The following SLC17A9 variants were observed in gnomAD, a reference collection of about 807,000 sequenced individuals.
SLC17A9 encodes the protein solute carrier family 17 member 9.
SLC17A9 carries 49 observed loss-of-function variants against 55.0 expected under a neutral mutation model. The observed-to-expected ratio is 0.89, with a 90% CI of 0.71 to 1.13. The LOEUF is 1.13. SLC17A9 is among the 50% of genes most tolerant of loss of function. The pLI, the probability that SLC17A9 is intolerant of heterozygous loss-of-function variation, is 0.00. For missense variants in SLC17A9, 526 were observed against 569.3 expected (o/e 0.92, Z 0.77); for synonymous variants, 256 against 247.4 (o/e 1.03, Z -0.32).
At chr20:62,964,109 C>A in intron 7 of SLC17A9, 119 bp from the exon 8 acceptor site, 1 of 1,002,834 alleles carries the variant, frequency 1.0e-6, no homozygotes, top group South Asian at 1.4e-5. Flanking sequence ...AGGGCTGGCC[C>A]TGCCGGAGAG....
At chr20:62,957,726 GC>G in intron 3 of SLC17A9, 146 bp downstream of exon 3, 1 of 633,220 alleles carries the variant, frequency 1.6e-6, no homozygotes, top group Admixed American at 3.9e-5. Flanking sequence ...GTGCATGCGT[GC>G]ACCTGTGTGT....
rs2065564421 is a variant in SLC17A9 at position 62,958,799 on chromosome 20, T to C, written c.397+1219T>C. ...AAGGTGCTGCCTGGGACTGTCTCCA[T>C]AACAGAGGAAGGGGGTCTGCCCAGG... On this transcript the variant is annotated intron_variant, in intron 3 of 12. Transcript: ENST00000370351. The surrounding 1 kb of genome is among the most constrained non-coding windows in gnomAD (Gnocchi z 4.1). Among the ~76,000 whole-genome samples, 2 of 152,026 alleles carry C rather than the reference T, an allele frequency of 1.3e-5. No individual in the cohort carries two copies. Among genetic ancestry groups the C allele is most frequent in the Admixed American group, 1.3e-4 (2 of 15,272 alleles).
intron 9 of SLC17A9, 31 bp from the exon 10 acceptor site, chr20:62,965,579 G>A: frequency 6.3e-7 from 1 of 1,595,954 alleles, no homozygotes; most frequent in South Asian, 1.1e-5. Flanking sequence ...CGGGCTGGGT[G>A]CCTCTCCGTC....
At chr20:62,965,516 T>C (rs773003529) in intron 9 of SLC17A9, 94 bp from the exon 10 acceptor site, 10 of 1,182,912 alleles carry the variant, frequency 8.5e-6, no homozygotes, top group African/African-American at 1.5e-5. Flanking sequence ...CGTTGTGCGG[T>C]GCGCCCAGGG....
Position 62,963,379 on chromosome 20 carries a change from G to C in SLC17A9, c.725+10G>C, listed in dbSNP as rs143995305. 44 of 1,612,730 alleles carry C rather than the reference G, an allele frequency of 2.7e-5. No homozygotes were observed. In the African/African-American group the frequency reaches 4.4e-4, roughly 16 times the overall value. On this transcript the variant is annotated intron_variant, in intron 6 of 12. Transcript: ENST00000370351. ...GGAAGCCTGCTGTCTGGTGAGCTGG[G>C]ACCTGTGCCACCCCTTGGAGCAGCG...
intron 1 of SLC17A9, among the ~76,000 whole-genome samples, chr20:62,953,745 G>T (rs2065511677): frequency 6.6e-6 from 1 of 152,244 alleles, no homozygotes; most frequent in Non-Finnish European, 1.5e-5. Flanking sequence ...TGAGGGCTGA[G>T]GACCCTAGAA....
chr20:62,954,579 C>T (rs1413857013), intron 1 of SLC17A9, among the ~76,000 whole-genome samples: 3 of 152,318 alleles, frequency 2.0e-5, no homozygotes, highest in Middle Eastern at 3.4e-3. Flanking sequence ...CCCCGTCCCC[C>T]GCGCCCCCAG....
intron 1 of SLC17A9, among the ~76,000 whole-genome samples, chr20:62,953,578 G>C (rs976558531): frequency 1.3e-5 from 2 of 152,260 alleles, no homozygotes; most frequent in Non-Finnish European, 2.9e-5. Context: ...CCTTGGCTCT[G>C]GGTCTTGGGC....
Position 62,960,148 on chromosome 20 carries a change from C to T in SLC17A9, c.398-356C>T, listed in dbSNP as rs73918888. Among the ~76,000 whole-genome samples, 544 of 152,336 alleles carry T rather than the reference C, an allele frequency of 3.6e-3. 3 individuals are homozygous for T. Among genetic ancestry groups the T allele is most frequent in the African/African-American group, 0.012 (516 of 41,584 alleles). ...CTGCCAAGAAGTGTGCCGGTGAACA[C>T]GTGCGTGTGCAGGCGCATGTGTGTG... On this transcript the variant is annotated intron_variant, in intron 3 of 12. Transcript: ENST00000370351.
intron 8 of SLC17A9, among the ~76,000 whole-genome samples, 156 bp downstream of exon 8, chr20:62,964,471 G>T (rs1233690727): frequency 6.6e-6 from 1 of 152,190 alleles, no homozygotes; most frequent in Non-Finnish European, 1.5e-5. Flanking sequence ...TCCTTAAAGG[G>T]TGGGGTTAGA....
intron 7 of SLC17A9, 126 bp from the exon 8 acceptor site, chr20:62,964,102 G>T: frequency 2.2e-6 from 2 of 920,094 alleles, no homozygotes; most frequent in Non-Finnish European, 3.5e-6. Context: ...CAGGAGCAGG[G>T]CTGGCCCTGC....
In SLC17A9 at chr20:62,957,427, T is replaced by G. The variant is rs775193270; in HGVS notation, c.258-14T>G. ...GCACAGCCACATCCTCACCTCCCTC[T>G]GTCTTCCCTCCAGGATTGGGGGTGA... On this transcript the variant is annotated splice_polypyrimidine_tract_variant and intron_variant, in intron 2 of 12. Transcript: ENST00000370351. The G allele has an allele frequency of 1.9e-6, 3 of 1,564,770 alleles. No homozygotes were observed. Among genetic ancestry groups the G allele is most frequent in the Non-Finnish European group, 2.6e-6 (3 of 1,157,492 alleles).
rs112060558 is a variant in SLC17A9 at position 62,960,735 on chromosome 20, G to T, written c.497+132G>T. The stretch of plus-strand genomic sequence containing the variant: ...CCATGGTGAGGTGGGTCCCGCAGGC[G>T]CCTTTTGGGCTCTGTAGCCCGAGGC... On this transcript the variant is annotated intron_variant, in intron 4 of 12. Coordinates refer to ENST00000370351, the MANE Select transcript of SLC17A9 (RefSeq NM_022082.4). 6 of 799,378 alleles carry T rather than the reference G, an allele frequency of 7.5e-6. No individual in the cohort carries two copies. In the African/African-American group the frequency reaches 8.6e-5, roughly 11 times the overall value. 49.5% of individuals were successfully genotyped at this position (799,378 alleles called of 1,614,324 possible). A position where few individuals can be genotyped will look rare whatever the true frequency, so the allele number is the denominator to read the frequency against.
At chr20:62,955,789 C>T (rs2065532046) in intron 1 of SLC17A9, among the ~76,000 whole-genome samples, 1 of 152,208 alleles carries the variant, frequency 6.6e-6, no homozygotes, top group Admixed American at 6.5e-5. Flanking sequence ...CAGGACAGGG[C>T]GTGGAGGCCA....
chr20:62,961,837 T>C (rs1037087255), intron 4 of SLC17A9, among the ~76,000 whole-genome samples: 1 of 152,188 alleles, frequency 6.6e-6, no homozygotes, highest in African/African-American at 2.4e-5. Context: ...GGGTCAAGTG[T>C]GGGCTGGGCT....
chr20:62,964,403 C>A, intron 8 of SLC17A9, 88 bp downstream of exon 8: 1 of 1,298,278 alleles, frequency 7.7e-7, no homozygotes, highest in Non-Finnish European at 1.1e-6. Flanking sequence ...CCTGGGGCTG[C>A]AGCTTCAGCA....
At chr20:62,960,450 C>T (rs938433805) in intron 3 of SLC17A9, 54 bp from the exon 4 acceptor site, 1 of 1,532,192 alleles carries the variant, frequency 6.5e-7, no homozygotes, top group Non-Finnish European at 8.9e-7. Flanking sequence ...GCAGATAGGC[C>T]GGGAGGAGCC....
rs1040002828 is a variant in SLC17A9 at position 62,957,571 on chromosome 20, T to C, written c.388T>C (p.Leu130=). The C allele has an allele frequency of 7.0e-6, 11 of 1,562,076 alleles. No individual in the cohort carries two copies. The highest frequency in any genetic ancestry group is 1.4e-5 in the African/African-American group (1 of 72,758). The change falls in exon 3 of 13, where the codon TTG becomes CTG. Residue 130 remains leucine (L), a synonymous_variant. Coordinates refer to ENST00000370351, the MANE Select transcript of SLC17A9 (RefSeq NM_022082.4). ...GACCTTCTCACGCATCCTCATGGGC[T>C]TGCTCCAAGGTAAGGGGAGCTCAGG... is the stretch of plus-strand genomic sequence containing the variant. ...FMTFSRILMG[L]LQGVYFPALT...
chr20:62,965,514 G>A (rs1256764865), intron 9 of SLC17A9, 96 bp from the exon 10 acceptor site: 14 of 1,155,536 alleles, frequency 1.2e-5, no homozygotes, highest in African/African-American at 9.1e-5. Context: ...ACCGTTGTGC[G>A]GTGCGCCCAG....
Sources: gnomAD v4.1 joint callset for allele counts (sites outside exome capture counted in the v4.1 genomes callset) on GRCh38, gnomAD v4.1.1 for gene constraint, Gnocchi (gnomAD v3.1) non-coding constraint, MANE v1.5 for transcripts, NCBI Gene and HGNC (gene_info 2026-07-23, HGNC 2026-07-21) for gene names.